The following MAP2 variants were observed in gnomAD, a reference collection of about 807,000 sequenced individuals.
MAP2 encodes the protein microtubule-associated protein 2.
MAP2 carries 14 observed loss-of-function variants against 137.6 expected under a neutral mutation model. That is an observed-to-expected ratio of 0.10 (90% confidence interval 0.07 to 0.16). MAP2 has a LOEUF of 0.16. Among genes scored for constraint, MAP2 ranks in the 10% least tolerant of loss-of-function variants. MAP2 has a pLI of 1.00. For synonymous variants in MAP2, 786 were observed against 782.3 expected (o/e 1.00, Z -0.08); for missense variants, 2,088 against 2,191.5 (o/e 0.95, Z 0.94).
At chr2:209,716,527 T>G (rs1011933272) in intron 13 of MAP2, among the ~76,000 whole-genome samples, 1 of 152,164 alleles carries the variant, frequency 6.6e-6, no homozygotes, top group Non-Finnish European at 1.5e-5. Context: ...CATTTTGAGA[T>G]TTTTTGTGAT....
chr2:209,700,356 T>C lies in MAP2; in HGVS notation c.4584+18T>C. ...AAGTCTCTGTGAGTAAAATAAGTTT[T>C]TCCTTGTTCTTCATTTGAAGTTCCT... On this transcript the variant is annotated intron_variant, in intron 11 of 15. Coordinates refer to ENST00000682079, the MANE Select transcript of MAP2 (RefSeq NM_001375505.1). 1.9e-6 allele frequency: 3 copies of C among 1,590,620 alleles called. No individual in the cohort carries two copies. In the East Asian group the frequency reaches 6.7e-5, roughly 36 times the overall value.
Position 209,713,969 on chromosome 2 carries a change from A to T in MAP2, c.5073+3715A>T, listed in dbSNP as rs536355226. Among the ~76,000 whole-genome samples the T allele has an allele frequency of 3.9e-5, 6 of 152,110 alleles. No homozygotes were observed. In the East Asian group the frequency reaches 1.2e-3, roughly 30 times the overall value. On this transcript the variant is annotated intron_variant, in intron 13 of 15. Coordinates refer to ENST00000682079, the MANE Select transcript of MAP2 (RefSeq NM_001375505.1). ...TTTGGGAGGCCAAGGCAGCGGGTGG[A>T]TCACCTGAGGTCAGGAGTTCGAGAC...
chr2:209,432,967 G>A (rs1694724762), intron 1 of MAP2, among the ~76,000 whole-genome samples: 1 of 152,124 alleles, frequency 6.6e-6, no homozygotes, highest in African/African-American at 2.4e-5. Context: ...TTACTTGGGA[G>A]GGATTCACTG....
At chr2:209,519,933 G>A (rs1298334636) in intron 2 of MAP2, among the ~76,000 whole-genome samples, 1 of 152,008 alleles carries the variant, frequency 6.6e-6, no homozygotes, top group East Asian at 1.9e-4. Flanking sequence ...GCTTTTGCAA[G>A]GGAAGGCAGA....
chr2:209,675,724 G>A lies in MAP2; in HGVS notation c.263-2848G>A, dbSNP rs1341037807. The stretch of plus-strand genomic sequence containing the variant: ...AAGAAAAATACTGAAATAATGTAGA[G>A]TTGCTCAGTTATAATTTGCTCATAT... On this transcript the variant is annotated intron_variant, in intron 5 of 15. Transcript: ENST00000682079. Among the ~76,000 whole-genome samples the A allele has an allele frequency of 8.6e-5, 13 of 151,652 alleles. No homozygotes were observed. In the Admixed American group the frequency reaches 8.6e-4, roughly 10 times the overall value.
intron 2 of MAP2, among the ~76,000 whole-genome samples, chr2:209,571,722 A>G (rs2074422527): frequency 6.6e-6 from 1 of 152,038 alleles, no homozygotes; most frequent in Admixed American, 6.6e-5. Flanking sequence ...TACTTTAGTA[A>G]AAGTATGTGA....
intron 13 of MAP2, among the ~76,000 whole-genome samples, chr2:209,720,448 C>A (rs2069938078): frequency 6.6e-6 from 1 of 152,030 alleles, no homozygotes; most frequent in East Asian, 1.9e-4. Context: ...ACCATCCTGG[C>A]TAACACGGTG....
intron 1 of MAP2, among the ~76,000 whole-genome samples, chr2:209,499,278 C>G (rs965960739): frequency 6.6e-6 from 1 of 152,174 alleles, no homozygotes; most frequent in Non-Finnish European, 1.5e-5. Flanking sequence ...TCTTTGCTAA[C>G]ACATAAAACA....
At chr2:209,655,232 A>C (rs79246420) in intron 5 of MAP2, among the ~76,000 whole-genome samples, 1 of 152,242 alleles carries the variant, frequency 6.6e-6, no homozygotes, top group Non-Finnish European at 1.5e-5. Flanking sequence ...TGTATCAAAC[A>C]CATTTGGTAT....
chr2:209,490,853 G>A (rs1293465728), intron 1 of MAP2, among the ~76,000 whole-genome samples: 1 of 151,952 alleles, frequency 6.6e-6, no homozygotes, highest in Non-Finnish European at 1.5e-5. Context: ...ATAATAGTGG[G>A]AGACTTTACC....
At chr2:209,725,080 C>T (rs1423100741) in intron 13 of MAP2, among the ~76,000 whole-genome samples, 3 of 152,174 alleles carry the variant, frequency 2.0e-5, no homozygotes, top group Admixed American at 6.5e-5. Flanking sequence ...CAAGTACTCT[C>T]GTGCAGATGA....
chr2:209,621,756 T>C (rs1425696712), intron 3 of MAP2, among the ~76,000 whole-genome samples: 1 of 152,154 alleles, frequency 6.6e-6, no homozygotes, highest in Non-Finnish European at 1.5e-5. Context: ...CAACATTTTC[T>C]CCAGGAGACT....
intron 3 of MAP2, among the ~76,000 whole-genome samples, chr2:209,614,764 G>C (rs982471727): frequency 6.6e-6 from 1 of 152,136 alleles, no homozygotes; most frequent in Non-Finnish European, 1.5e-5. Context: ...TCACAGAAGG[G>C]GGAGGGGAGG....
intron 3 of MAP2, among the ~76,000 whole-genome samples, chr2:209,611,072 A>C (rs188624474): frequency 6.6e-6 from 1 of 152,332 alleles, no homozygotes; most frequent in East Asian, 1.9e-4. Context: ...AGGAAAAAAT[A>C]TTTGGTCACT....
intron 1 of MAP2, among the ~76,000 whole-genome samples, chr2:209,489,537 A>T (rs1002198437): frequency 5.3e-5 from 8 of 152,212 alleles, no homozygotes; most frequent in Admixed American, 5.2e-4. Context: ...GGAAGCTAAG[A>T]ACCTTGATAA....
chr2:209,564,638 A>C (rs1371494589), intron 2 of MAP2, among the ~76,000 whole-genome samples: 1 of 149,510 alleles, frequency 6.7e-6, no homozygotes, highest in East Asian at 2.0e-4. Flanking sequence ...CCCCTTCCCC[A>C]TAGATGGTGC....
In MAP2 at chr2:209,693,472, A is replaced by G; in HGVS notation, c.1302A>G (p.Ile434Met). The change falls in exon 8 of 16, where the codon ATA (isoleucine) becomes ATG (methionine). Residue 434 changes from isoleucine (I) to methionine (M), a missense_variant. Ile to Met is a conservative substitution (Grantham distance 10). Transcript: ENST00000682079. Reference protein sequence around the residue: ...DTFTPSGQEPILTEKETELKL... With the variant: ...DTFTPSGQEPMLTEKETELKL... ...TCACCCCCAGTGGACAGGAACCTAT[A>G]CTTACTGAAAAGGAAACTGAGCTGA... 1 of 1,613,806 alleles carries G rather than the reference A, an allele frequency of 6.2e-7. No individual in the cohort carries two copies. The highest frequency in any genetic ancestry group is 8.5e-7 in the Non-Finnish European group (1 of 1,179,968).
At chr2:209,517,985 T>C (rs16843022) in intron 2 of MAP2, among the ~76,000 whole-genome samples, 33,968 of 151,922 alleles carry the variant, frequency 0.22, 5,087 homozygotes, top group African/African-American at 0.42. Context: ...CATGGGCATG[T>C]ATTTTTACCA....
chr2:209,722,266 C>T (rs1442391928), intron 13 of MAP2, among the ~76,000 whole-genome samples: 1 of 152,200 alleles, frequency 6.6e-6, no homozygotes, highest in Non-Finnish European at 1.5e-5. Flanking sequence ...CCGTGGGTTG[C>T]TGATGAGAGA....
Sources: allele counts gnomAD v4.1 joint callset (sites outside exome capture counted in the v4.1 genomes callset), GRCh38; gene constraint gnomAD v4.1.1; transcripts MANE v1.5; gene names NCBI Gene and HGNC (gene_info 2026-07-23, HGNC 2026-07-21).